SLC7A1: variants seen among roughly 807,000 people sequenced by gnomAD.
The protein encoded by SLC7A1 is solute carrier family 7 member 1, also known as high affinity cationic amino acid transporter 1.
SLC7A1 carries 10 observed loss-of-function variants against 53.9 expected under a neutral mutation model. The ratio of observed to expected loss-of-function variants is 0.19; its 90% CI spans 0.11 to 0.31. The LOEUF (loss-of-function observed/expected upper bound fraction) is 0.31. Ranked by LOEUF, SLC7A1 falls within the 10% of genes least tolerant of loss-of-function variation. The pLI is 1.00. For synonymous variants in SLC7A1, 342 were observed against 338.7 expected, an observed-to-expected ratio of 1.01 and a Z score of -0.11; for missense variants, 525 against 827.2, an observed-to-expected ratio of 0.63 and a Z score of 4.48.
intron 1 of SLC7A1, among the ~76,000 whole-genome samples, chr13:29,585,000 C>T (rs999351530): frequency 6.6e-6 from 1 of 152,108 alleles, no homozygotes; most frequent in Non-Finnish European, 1.5e-5. Flanking sequence ...AATGTATGGC[C>T]CATTTCTAAA....
chr13:29,567,741 C>T (rs374368233), intron 1 of SLC7A1, among the ~76,000 whole-genome samples: 1 of 152,272 alleles, frequency 6.6e-6, no homozygotes, highest in South Asian at 2.1e-4. Flanking sequence ...TCGGGTGTGG[C>T]CAGGAGCTCG....
intron 9 of SLC7A1, among the ~76,000 whole-genome samples, chr13:29,518,735 C>A (rs1242140905): frequency 6.6e-6 from 1 of 152,070 alleles, no homozygotes; most frequent in Non-Finnish European, 1.5e-5. Flanking sequence ...AGGTGGGAAT[C>A]CCTGAAAAGA....
chr13:29,522,302 A>C lies in SLC7A1; in HGVS notation c.1189+15T>G, dbSNP rs1391322806. The C allele has an allele frequency of 1.2e-6, 2 of 1,613,302 alleles. No homozygotes were observed. The highest frequency in any genetic ancestry group is 1.7e-5 in the Admixed American group (1 of 60,000). Reference sequence around the variant, plus strand: ...TGTTAAAACATTTCCATGTGAAATGAGTTCTAGTACTCACCAGCAACGGCA... The same window carrying C: ...TGTTAAAACATTTCCATGTGAAATGCGTTCTAGTACTCACCAGCAACGGCA... On this transcript the variant is annotated intron_variant, in intron 8 of 12. Coordinates refer to ENST00000380752, the MANE Select transcript of SLC7A1 (RefSeq NM_003045.5).
At chr13:29,560,548 A>C (rs1293615834) in intron 1 of SLC7A1, among the ~76,000 whole-genome samples, 4 of 151,884 alleles carry the variant, frequency 2.6e-5, no homozygotes, top group African/African-American at 7.3e-5. Flanking sequence ...GTAAAAACCC[A>C]ATAACACAGT....
At chr13:29,537,791 C>T (rs1869490784) in intron 2 of SLC7A1, among the ~76,000 whole-genome samples, 1 of 152,262 alleles carries the variant, frequency 6.6e-6, no homozygotes, top group South Asian at 2.1e-4. Flanking sequence ...CACAAAAAAT[C>T]ACCAATCGTT....
At chr13:29,568,903 T>G (rs1178776846) in intron 1 of SLC7A1, among the ~76,000 whole-genome samples, 1 of 152,146 alleles carries the variant, frequency 6.6e-6, no homozygotes, top group East Asian at 1.9e-4. Flanking sequence ...CAGACGCGCC[T>G]GAACACAGGT....
intron 4 of SLC7A1, among the ~76,000 whole-genome samples, chr13:29,530,958 G>A (rs889576470): frequency 6.6e-6 from 1 of 152,062 alleles, no homozygotes; most frequent in Non-Finnish European, 1.5e-5. Context: ...ATACCCTTGG[G>A]AACTGAGAAG....
intron 1 of SLC7A1, among the ~76,000 whole-genome samples, chr13:29,584,240 A>C (rs947556781): frequency 2.6e-5 from 4 of 151,498 alleles, no homozygotes; most frequent in African/African-American, 9.7e-5. Context: ...CAATCTCCCT[A>C]GTAGCTGGGA....
chr13:29,566,278 A>G (rs1314272698), intron 1 of SLC7A1, among the ~76,000 whole-genome samples: 2 of 152,248 alleles, frequency 1.3e-5, no homozygotes, highest in African/African-American at 2.4e-5. Flanking sequence ...ATTAAGGTCA[A>G]TGCTCAAGAT....
At chr13:29,528,955 C>G (rs1252599995) in intron 5 of SLC7A1, among the ~76,000 whole-genome samples, 2 of 152,220 alleles carry the variant, frequency 1.3e-5, no homozygotes, top group Admixed American at 1.3e-4. Flanking sequence ...TCTCGATTGG[C>G]AACCAGTTAA....
intron 4 of SLC7A1, among the ~76,000 whole-genome samples, chr13:29,532,577 CT>C (rs1869211114): frequency 6.6e-6 from 1 of 152,224 alleles, no homozygotes; most frequent in South Asian, 2.1e-4. Flanking sequence ...GGCTAAACAC[CT>C]AAGATTCTCT....
intron 7 of SLC7A1, among the ~76,000 whole-genome samples, chr13:29,522,796 G>A (rs571837388): frequency 6.6e-6 from 1 of 152,292 alleles, no homozygotes; most frequent in Non-Finnish European, 1.5e-5. Flanking sequence ...AAGCATCACT[G>A]CATTCATGAA....
chr13:29,555,837 T>A (rs1426009741), intron 1 of SLC7A1, among the ~76,000 whole-genome samples: 1 of 152,202 alleles, frequency 6.6e-6, no homozygotes, highest in Non-Finnish European at 1.5e-5. Context: ...GGGGGTGATG[T>A]TAACAAATGG....
intron 1 of SLC7A1, among the ~76,000 whole-genome samples, chr13:29,594,502 C>A (rs906647763): frequency 6.6e-6 from 1 of 152,242 alleles, no homozygotes; most frequent in African/African-American, 2.4e-5. Context: ...GCTGAACCAG[C>A]AGGCTGTTGT....
intron 2 of SLC7A1, among the ~76,000 whole-genome samples, chr13:29,553,401 G>C (rs1359436771): frequency 1.3e-5 from 2 of 152,156 alleles, no homozygotes; most frequent in Non-Finnish European, 2.9e-5. Flanking sequence ...GGAATGATGA[G>C]GGACAGCTCC....
intron 9 of SLC7A1, 22 bp downstream of exon 9, chr13:29,519,425 G>A: frequency 7.0e-7 from 1 of 1,423,676 alleles, no homozygotes; most frequent in South Asian, 1.2e-5. Context: ...TCTGTCATGA[G>A]ACCCCCAAAA....
intron 8 of SLC7A1, among the ~76,000 whole-genome samples, chr13:29,521,465 A>G (rs551429496): frequency 6.6e-6 from 1 of 152,280 alleles, no homozygotes; most frequent in Admixed American, 6.5e-5. Context: ...CTGGAATCAC[A>G]AGGCCGCTCC....
intron 1 of SLC7A1, among the ~76,000 whole-genome samples, chr13:29,560,172 C>A (rs1006163332): frequency 2.6e-5 from 4 of 151,344 alleles, no homozygotes; most frequent in Non-Finnish European, 4.4e-5. Flanking sequence ...TTCTTAAAAA[C>A]CAAGATGCAG....
In SLC7A1 at chr13:29,510,727, C is replaced by T. The variant is rs61948792; in HGVS notation, c.*3753G>A. ...GAGTTGGGCACAAAGGCCCCTCACT[C>T]CCTGTCTTCATGGTGTGGGTTCTTG... On this transcript the variant is annotated 3_prime_UTR_variant, in exon 13 of 13. Transcript: ENST00000380752. 2,572 of 152,380 alleles carry T rather than the reference C, an allele frequency of 0.017. 35 individuals are homozygous for T. Among genetic ancestry groups the T allele is most frequent in the Middle Eastern group, 0.044 (13 of 294 alleles). The allele number at this position is 152,380 out of a possible 1,614,324, so 9.4% of individuals were successfully genotyped here.
Sources: gnomAD v4.1 joint callset for allele counts (sites outside exome capture counted in the v4.1 genomes callset) on GRCh38, gnomAD v4.1.1 for gene constraint, MANE v1.5 for transcripts, NCBI Gene and HGNC (gene_info 2026-07-23, HGNC 2026-07-21) for gene names.